Variants in LHFPL4 observed in about 807,000 individuals in gnomAD.
LHFPL4 encodes LHFPL tetraspan subfamily member 4, also known as LHFPL tetraspan subfamily member 4 protein.
LHFPL4 carries 6 observed loss-of-function variants against 20.0 expected under a neutral mutation model. That is an observed-to-expected ratio of 0.30 (90% CI 0.16 to 0.59). The LOEUF is 0.59. Among genes scored for constraint, LHFPL4 ranks in the 20% least tolerant of loss-of-function variants. The pLI, the probability that LHFPL4 is intolerant of heterozygous loss-of-function variation, is 0.88. For missense variants in LHFPL4, 215 were observed against 331.2 expected (o/e 0.65, Z 2.72); for synonymous variants, 129 against 143.8 (o/e 0.90, Z 0.74).
intron 2 of LHFPL4, among the ~76,000 whole-genome samples, chr3:9,523,802 T>C (rs1461850784): frequency 1.3e-5 from 2 of 152,168 alleles, no homozygotes; most frequent in Non-Finnish European, 2.9e-5. Flanking sequence ...CTTGTATACA[T>C]CTGAGCTTCT....
At chr3:9,538,925 C>T (rs1351420431) in intron 2 of LHFPL4, among the ~76,000 whole-genome samples, 2 of 151,878 alleles carry the variant, frequency 1.3e-5, no homozygotes, top group African/African-American at 4.8e-5. Flanking sequence ...GTCTTGAACC[C>T]CTGACCTCAG....
At chr3:9,502,741 C>T (rs2046186338) in intron 3 of LHFPL4, among the ~76,000 whole-genome samples, 1 of 151,670 alleles carries the variant, frequency 6.6e-6, no homozygotes, top group Non-Finnish European at 1.5e-5. Context: ...GAGGGGCAGA[C>T]TGCACAAGCG....
chr3:9,548,027 T>C (rs1377681393), intron 2 of LHFPL4, among the ~76,000 whole-genome samples: 1 of 152,122 alleles, frequency 6.6e-6, no homozygotes, highest in Non-Finnish European at 1.5e-5. Context: ...GCTTGTCTTG[T>C]ACTCCTGAGC....
At chr3:9,503,112 G>A (rs1476369887) in intron 3 of LHFPL4, among the ~76,000 whole-genome samples, 1 of 152,122 alleles carries the variant, frequency 6.6e-6, no homozygotes, top group African/African-American at 2.4e-5. Flanking sequence ...TGGGACCACA[G>A]GTGCGCGCCA....
At chr3:9,547,056 A>G (rs2125668025) in intron 2 of LHFPL4, among the ~76,000 whole-genome samples, 1 of 152,206 alleles carries the variant, frequency 6.6e-6, no homozygotes, top group African/African-American at 2.4e-5. Flanking sequence ...CGGCATGATC[A>G]TGGCTCACTG....
At chr3:9,539,944 A>T (rs2046467282) in intron 2 of LHFPL4, among the ~76,000 whole-genome samples, 1 of 152,204 alleles carries the variant, frequency 6.6e-6, no homozygotes, top group South Asian at 2.1e-4. Context: ...GAAATATTTG[A>T]TAACACACTC....
chr3:9,512,131 A>AC (rs776416056), intron 2 of LHFPL4, among the ~76,000 whole-genome samples: 3 of 152,090 alleles, frequency 2.0e-5, no homozygotes, highest in African/African-American at 7.2e-5. Flanking sequence ...ACGGGGTTTC[A>AC]AGTGTTAGCC....
At chr3:9,543,394 G>A (rs866781310) in intron 2 of LHFPL4, among the ~76,000 whole-genome samples, 4 of 151,948 alleles carry the variant, frequency 2.6e-5, no homozygotes, top group African/African-American at 7.3e-5. Context: ...CTAGCTACTC[G>A]GGAGGCTGAG....
chr3:9,503,886 C>T (rs780070050), intron 3 of LHFPL4, among the ~76,000 whole-genome samples: 4 of 151,778 alleles, frequency 2.6e-5, no homozygotes, highest in Non-Finnish European at 5.9e-5. Context: ...ATTAGTCAGG[C>T]GTGGTGGCGC....
intron 2 of LHFPL4, among the ~76,000 whole-genome samples, chr3:9,539,651 G>A (rs1324276642): frequency 6.6e-6 from 1 of 151,916 alleles, no homozygotes; most frequent in African/African-American, 2.4e-5. Flanking sequence ...ATTTCCCCAT[G>A]GGGGAAAAAT....
At chr3:9,546,133 G>A (rs544158602) in intron 2 of LHFPL4, among the ~76,000 whole-genome samples, 37 of 151,996 alleles carry the variant, frequency 2.4e-4, no homozygotes, top group Admixed American at 1.7e-3. Context: ...GGCCAACATG[G>A]TGAAACCCTG....
At chr3:9,527,661 C>T (rs551706749) in intron 2 of LHFPL4, among the ~76,000 whole-genome samples, 32 of 152,148 alleles carry the variant, frequency 2.1e-4, no homozygotes, top group South Asian at 6.2e-4. Flanking sequence ...GAGCCAAGAT[C>T]ATGCCACTGC....
Position 9,501,509 on chromosome 3 carries a change from G to C in LHFPL4, c.*702C>G, listed in dbSNP as rs1280771093. 1 of 152,660 alleles carries C rather than the reference G, an allele frequency of 6.6e-6. No homozygotes were observed. Among genetic ancestry groups the C allele is most frequent in the Non-Finnish European group, 1.5e-5 (1 of 68,474 alleles). 9.5% of individuals were successfully genotyped at this position (152,660 alleles called of 1,614,324 possible). A position where few individuals can be genotyped will look rare whatever the true frequency, so the allele number is the denominator to read the frequency against. ...GCAGCTTCTAAGCTCCAACTGCCGA[G>C]GCCACGTACCCCCTCCCGCTACCTC... On this transcript the variant is annotated 3_prime_UTR_variant, in exon 4 of 4. Transcript: ENST00000287585.
chr3:9,547,952 C>T (rs557838687), intron 2 of LHFPL4, among the ~76,000 whole-genome samples: 26 of 152,294 alleles, frequency 1.7e-4, no homozygotes, highest in African/African-American at 5.8e-4. Flanking sequence ...ACTACAGGCA[C>T]ATGCCATCAC....
Position 9,510,436 on chromosome 3 carries a change from C to CAA in LHFPL4, c.407-4235_407-4234dup, listed in dbSNP as rs34617447. ...TAGGCATCAGAGCAAGACATGGTTT[C>CAA]AAAAAAAAAAAAAAAAGGCCCTAAT... On this transcript the variant is annotated intron_variant, in intron 2 of 3. Transcript: ENST00000287585. Among the ~76,000 whole-genome samples the CAA allele has an allele frequency of 4.1e-3, 483 of 117,322 alleles. 2 individuals are homozygous for CAA. The highest frequency in any genetic ancestry group is 9.2e-3 in the Middle Eastern group (2 of 218). 77.0% of individuals were successfully genotyped at this position (117,322 alleles called of 152,430 possible). A position where few individuals can be genotyped will look rare whatever the true frequency, so the allele number is the denominator to read the frequency against.
intron 2 of LHFPL4, among the ~76,000 whole-genome samples, chr3:9,531,384 C>A (rs994226315): frequency 6.6e-6 from 1 of 152,150 alleles, no homozygotes; most frequent in African/African-American, 2.4e-5. Context: ...ACGAGGTATG[C>A]CTGCATATAC....
At chr3:9,546,953 T>C (rs1297890876) in intron 2 of LHFPL4, among the ~76,000 whole-genome samples, 1 of 152,150 alleles carries the variant, frequency 6.6e-6, no homozygotes, top group Non-Finnish European at 1.5e-5. Context: ...AGTTGGAAAG[T>C]GGAAGAGCAG....
intron 2 of LHFPL4, among the ~76,000 whole-genome samples, chr3:9,527,863 G>A (rs1040150901): frequency 6.8e-6 from 1 of 147,174 alleles, no homozygotes; most frequent in African/African-American, 2.6e-5. Context: ...GGCATACCCT[G>A]GGGATATTGC....
In LHFPL4 at chr3:9,529,931, CTTT is replaced by C. The variant is rs77757682; in HGVS notation, c.406+22340_406+22342del. ...CAGGCATGAGCCACTGTGCCTGGCT[CTTT>C]TTTTTTTTTTCCTATCCTGAGCAAT... On this transcript the variant is annotated intron_variant, in intron 2 of 3. Coordinates refer to ENST00000287585, the MANE Select transcript of LHFPL4 (RefSeq NM_198560.3). Among the ~76,000 whole-genome samples the C allele has an allele frequency of 1.8e-4, 26 of 146,880 alleles. No individual in the cohort carries two copies. The East Asian group carries it at 5.0e-3, about 28-fold the overall frequency.
Sources: gnomAD v4.1 joint callset for allele counts (sites outside exome capture counted in the v4.1 genomes callset) on GRCh38, gnomAD v4.1.1 for gene constraint, MANE v1.5 for transcripts, NCBI Gene and HGNC (gene_info 2026-07-23, HGNC 2026-07-21) for gene names.